The following CD244 variants were observed in gnomAD, a reference collection of about 807,000 sequenced individuals.
The protein encoded by CD244 is natural killer cell receptor 2B4.
CD244 carries 20 observed loss-of-function variants against 45.5 expected under a neutral mutation model. That is an observed-to-expected ratio of 0.44 (90% CI 0.31 to 0.64). The LOEUF (loss-of-function observed/expected upper bound fraction) is 0.64. Among genes scored for constraint, CD244 ranks in the 30% least tolerant of loss-of-function variants. CD244 has a pLI of 0.08. For missense variants in CD244, 407 were observed against 426.9 expected, an observed-to-expected ratio of 0.95 and a Z score of 0.41; for synonymous variants, 185 against 160.5, an observed-to-expected ratio of 1.15 and a Z score of -1.15.
intron 1 of CD244, 34 bp from the exon 2 acceptor site, chr1:160,841,935 AAG>A: frequency 6.3e-7 from 1 of 1,595,338 alleles, no homozygotes; most frequent in Non-Finnish European, 8.6e-7. Flanking sequence ...AAGTAGCGGG[AAG>A]AGTGTCAGGC....
In CD244 at chr1:160,862,783, C is replaced by G. The variant is rs904075646; in HGVS notation, c.-106G>C. 2 of 951,442 alleles carry G rather than the reference C, an allele frequency of 2.1e-6. No individual in the cohort carries two copies. Among genetic ancestry groups the G allele is most frequent in the Non-Finnish European group, 3.2e-6 (2 of 621,264 alleles). The allele number at this position is 951,442 out of a possible 1,614,324, so 58.9% of individuals were successfully genotyped here. A position where few individuals can be genotyped will look rare whatever the true frequency, so the allele number is the denominator to read the frequency against. On this transcript the variant is annotated 5_prime_UTR_variant, in exon 1 of 9. Coordinates refer to ENST00000368034, the MANE Select transcript of CD244 (RefSeq NM_016382.4). Reference sequence around the variant, plus strand: ...AGCAAGAGGACGATGGGGAGCAGAACTGCCTTGCAACCTGTCCAGCCACAG... The same window carrying G: ...AGCAAGAGGACGATGGGGAGCAGAAGTGCCTTGCAACCTGTCCAGCCACAG...
chr1:160,858,747 T>C (rs1448874027), intron 1 of CD244, among the ~76,000 whole-genome samples: 1 of 152,224 alleles, frequency 6.6e-6, no homozygotes, highest in Non-Finnish European at 1.5e-5. Flanking sequence ...TAGCGCAAGC[T>C]CTCTGAACAA....
chr1:160,843,225 T>C (rs1669609925), intron 1 of CD244, among the ~76,000 whole-genome samples: 2 of 152,202 alleles, frequency 1.3e-5, no homozygotes, highest in African/African-American at 2.4e-5. Context: ...CTAAAACACA[T>C]AGGTTCCCAT....
Position 160,831,141 on chromosome 1 carries a change from C to T in CD244, c.*206G>A, listed in dbSNP as rs1325171513. 4 of 510,034 alleles carry T rather than the reference C, an allele frequency of 7.8e-6. No individual in the cohort carries two copies. Among genetic ancestry groups the T allele is most frequent in the African/African-American group, 7.6e-5 (4 of 52,502 alleles). 31.6% of individuals were successfully genotyped at this position (510,034 alleles called of 1,614,324 possible). A position where few individuals can be genotyped will look rare whatever the true frequency, so the allele number is the denominator to read the frequency against. ...ACCCCTCCACCCATTCATGTCTGAT[C>T]TGTAAATTGGAAGATATTATTTAAC... On this transcript the variant is annotated 3_prime_UTR_variant, in exon 9 of 9. Transcript: ENST00000368034.
chr1:160,832,568 G>T lies in CD244; in HGVS notation c.968C>A (p.Ser323Tyr), dbSNP rs146040562. The change falls in exon 8 of 9, where the codon TCC becomes TAC. Residue 323 changes from serine to tyrosine, a missense_variant. Physicochemically the swap from Ser to Tyr is moderately radical, Grantham distance 144 (BLOSUM62 -2). Transcript: ENST00000368034. Reference sequence around the variant, plus strand: ...GGAAGGGCTGTGGTTCCTCTTCCTGGATCCAGACTAGAAATTCAGAAGGTA... The same window carrying T: ...GGAAGGGCTGTGGTTCCTCTTCCTGTATCCAGACTAGAAATTCAGAAGGTA... Reference protein sequence around the residue: ...SLIQPSRKSGSRKRNHSPSFN... With the variant: ...SLIQPSRKSGYRKRNHSPSFN... The T allele has an allele frequency of 1.4e-5, 22 of 1,612,276 alleles. No individual in the cohort carries two copies. In the African/African-American group the frequency reaches 2.0e-4, roughly 15 times the overall value.
At chr1:160,850,765 C>A (rs899625187) in intron 1 of CD244, among the ~76,000 whole-genome samples, 23 of 152,138 alleles carry the variant, frequency 1.5e-4, no homozygotes, top group African/African-American at 5.6e-4. Context: ...ACGTGCCAAG[C>A]AAGCAATCAG....
chr1:160,838,648 C>T (rs1213694189), intron 4 of CD244, 130 bp from the exon 5 acceptor site: 1 of 721,826 alleles, frequency 1.4e-6, no homozygotes, highest in Admixed American at 2.3e-5. Flanking sequence ...CAAGTTAATG[C>T]TCTTCCCAGG....
At chr1:160,860,966 C>T (rs957672507) in intron 1 of CD244, among the ~76,000 whole-genome samples, 1 of 152,226 alleles carries the variant, frequency 6.6e-6, no homozygotes, top group African/African-American at 2.4e-5. Flanking sequence ...CGTGCAAGGG[C>T]CGGCATAGCC....
At chr1:160,851,145 T>C (rs1387413825) in intron 1 of CD244, among the ~76,000 whole-genome samples, 1 of 152,218 alleles carries the variant, frequency 6.6e-6, no homozygotes, top group Non-Finnish European at 1.5e-5. Flanking sequence ...TGGGTTTTTA[T>C]GGAGGCCTCA....
chr1:160,847,061 C>T (rs897511331), intron 1 of CD244, among the ~76,000 whole-genome samples: 5 of 150,884 alleles, frequency 3.3e-5, no homozygotes, highest in South Asian at 2.1e-4. Flanking sequence ...AAGGCAATAA[C>T]GGAGAAAATG....
At chr1:160,843,904 A>C (rs553691194) in intron 1 of CD244, among the ~76,000 whole-genome samples, 5 of 152,238 alleles carry the variant, frequency 3.3e-5, no homozygotes, top group Admixed American at 6.5e-5. Flanking sequence ...AACTCAAGGA[A>C]CTAAGAGAAC....
At chr1:160,849,433 C>T (rs1669845713) in intron 1 of CD244, among the ~76,000 whole-genome samples, 1 of 152,016 alleles carries the variant, frequency 6.6e-6, no homozygotes, top group African/African-American at 2.4e-5. Flanking sequence ...GGTATTTGTC[C>T]TAATGCCTCC....
intron 7 of CD244, among the ~76,000 whole-genome samples, chr1:160,833,693 C>A (rs1056039674): frequency 1.8e-4 from 27 of 152,238 alleles, no homozygotes; most frequent in Non-Finnish European, 3.4e-4. Flanking sequence ...GCCTTGCAAA[C>A]CCCTCCAGTA....
At chr1:160,838,391 T>C in intron 5 of CD244, 60 bp downstream of exon 5, 1 of 1,188,912 alleles carries the variant, frequency 8.4e-7, no homozygotes, top group Non-Finnish European at 1.3e-6. Context: ...TGAATAACCA[T>C]CATTGAAAGA....
intron 7 of CD244, among the ~76,000 whole-genome samples, chr1:160,833,272 G>A (rs1401612289): frequency 2.6e-5 from 4 of 152,258 alleles, no homozygotes; most frequent in East Asian, 3.9e-4. Context: ...ATTGGAAGGA[G>A]GTTGAATGAA....
At chr1:160,832,900 A>T (rs976832963) in intron 7 of CD244, among the ~76,000 whole-genome samples, 4 of 81,720 alleles carry the variant, frequency 4.9e-5, no homozygotes, top group Admixed American at 1.3e-4. Context: ...ACACACACAT[A>T]TATATACATA....
At chr1:160,838,906 G>T in intron 4 of CD244, 33 bp downstream of exon 4, 1 of 1,453,570 alleles carries the variant, frequency 6.9e-7, no homozygotes, top group Non-Finnish European at 9.6e-7. Flanking sequence ...AAGGCCTCAG[G>T]CAGGAGCACC....
intron 1 of CD244, among the ~76,000 whole-genome samples, chr1:160,851,432 C>T (rs142067983): frequency 1.2e-3 from 183 of 152,272 alleles, no homozygotes; most frequent in African/African-American, 4.3e-3. Flanking sequence ...CACAATATCA[C>T]ACAAACCAAC....
chr1:160,850,022 AT>A (rs1287489771), intron 1 of CD244, among the ~76,000 whole-genome samples: 4 of 152,320 alleles, frequency 2.6e-5, no homozygotes, highest in Admixed American at 6.5e-5. Context: ...CAAAAAAAAA[AT>A]GAATATGTGA....
Sources: gnomAD v4.1 joint callset for allele counts (sites outside exome capture counted in the v4.1 genomes callset) on GRCh38, gnomAD v4.1.1 for gene constraint, MANE v1.5 for transcripts, NCBI Gene and HGNC (gene_info 2026-07-23, HGNC 2026-07-21) for gene names.